The following ADCY8 variants were observed in gnomAD, a reference collection of about 807,000 sequenced individuals.
The protein encoded by ADCY8 is adenylate cyclase 8.
ADCY8 carries 51 observed loss-of-function variants against 119.7 expected under a neutral mutation model. That is an observed-to-expected ratio of 0.43 (90% CI 0.34 to 0.54). The LOEUF (loss-of-function observed/expected upper bound fraction) is 0.54. Among genes scored for constraint, ADCY8 ranks in the 20% least tolerant of loss-of-function variants. The pLI is 0.03. For missense variants in ADCY8, 1,383 were observed against 1,598.8 expected, an observed-to-expected ratio of 0.87 and a Z score of 2.30; for synonymous variants, 665 against 651.0, an observed-to-expected ratio of 1.02 and a Z score of -0.33.
chr8:131,028,893 T>C (rs1823905365), intron 1 of ADCY8, among the ~76,000 whole-genome samples: 3 of 152,156 alleles, frequency 2.0e-5, no homozygotes, highest in Admixed American at 1.3e-4. Context: ...GCTGTACCTG[T>C]ATGTACCCAG....
intron 1 of ADCY8, among the ~76,000 whole-genome samples, chr8:130,996,479 A>G (rs1281997786): frequency 2.6e-5 from 4 of 152,094 alleles, no homozygotes; most frequent in African/African-American, 7.2e-5. Flanking sequence ...GCAGAGAAAA[A>G]CCCAACTGCA....
At chr8:130,876,620 G>A (rs550435952) in intron 8 of ADCY8, among the ~76,000 whole-genome samples, 19 of 152,178 alleles carry the variant, frequency 1.2e-4, no homozygotes, top group Admixed American at 1.2e-3. Context: ...TCAAGATTGT[G>A]TCTGTTGCCA....
intron 12 of ADCY8, among the ~76,000 whole-genome samples, chr8:130,828,389 C>T (rs186478836): frequency 9.2e-5 from 14 of 151,926 alleles, no homozygotes; most frequent in African/African-American, 3.4e-4. Flanking sequence ...GCACATGGCA[C>T]TTCCAAGTCA....
intron 2 of ADCY8, among the ~76,000 whole-genome samples, chr8:130,981,188 T>C (rs985225380): frequency 2.6e-5 from 4 of 152,224 alleles, no homozygotes. Flanking sequence ...AATTCTAGGA[T>C]GGTTTTACAC....
intron 2 of ADCY8, among the ~76,000 whole-genome samples, chr8:130,983,270 AG>A (rs1333580042): frequency 9.2e-5 from 14 of 152,208 alleles, no homozygotes; most frequent in African/African-American, 2.7e-4. Context: ...GGCTTTTGGT[AG>A]ATAAATGCAG....
intron 9 of ADCY8, among the ~76,000 whole-genome samples, chr8:130,860,955 G>A (rs1563697833): frequency 6.6e-6 from 1 of 152,134 alleles, no homozygotes; most frequent in Admixed American, 6.5e-5. Context: ...AGTACCATTA[G>A]TTAAAAAGAA....
intron 8 of ADCY8, among the ~76,000 whole-genome samples, chr8:130,871,044 A>G (rs1361467868): frequency 6.6e-6 from 1 of 152,352 alleles, no homozygotes; most frequent in South Asian, 2.1e-4. Context: ...AGTTGACATC[A>G]TCAAATATAA....
intron 16 of ADCY8, 145 bp downstream of exon 16, chr8:130,785,238 T>A (rs1469218658): frequency 2.1e-6 from 1 of 486,714 alleles, no homozygotes; most frequent in Non-Finnish European, 3.5e-6. Context: ...CAAATCCACA[T>A]CACGTAACTA....
intron 13 of ADCY8, among the ~76,000 whole-genome samples, chr8:130,820,019 C>G (rs898491353): frequency 6.6e-6 from 1 of 152,128 alleles, no homozygotes; most frequent in Admixed American, 6.5e-5. Flanking sequence ...AGCTGAATAG[C>G]CTTACTTTCA....
intron 5 of ADCY8, among the ~76,000 whole-genome samples, chr8:130,932,815 C>A (rs950115693): frequency 6.6e-6 from 1 of 151,868 alleles, no homozygotes; most frequent in Non-Finnish European, 1.5e-5. Flanking sequence ...CCTGGCCTTT[C>A]GTGATATTGG....
At chr8:130,954,914 G>A (rs1373101890) in intron 2 of ADCY8, among the ~76,000 whole-genome samples, 1 of 152,210 alleles carries the variant, frequency 6.6e-6, no homozygotes, top group Non-Finnish European at 1.5e-5. Flanking sequence ...CAAAGCCTCC[G>A]AGGAGGAAAG....
intron 1 of ADCY8, among the ~76,000 whole-genome samples, chr8:131,033,646 C>T (rs1206437085): frequency 1.3e-5 from 2 of 152,050 alleles, no homozygotes; most frequent in African/African-American, 4.8e-5. Flanking sequence ...AGACAACAAG[C>T]CTATTTGCAA....
At chr8:130,869,514 T>G (rs1270989425) in intron 8 of ADCY8, among the ~76,000 whole-genome samples, 30 of 110,592 alleles carry the variant, frequency 2.7e-4, no homozygotes, top group South Asian at 2.6e-3. Flanking sequence ...GTTTATTTTT[T>G]TTTGTTTTTT....
chr8:131,023,573 G>A (rs975498698), intron 1 of ADCY8, among the ~76,000 whole-genome samples: 2 of 152,138 alleles, frequency 1.3e-5, no homozygotes, highest in Non-Finnish European at 2.9e-5. Flanking sequence ...TGAAAAAGGA[G>A]CTGCCACTAT....
At chr8:131,014,281 C>T (rs902309952) in intron 1 of ADCY8, among the ~76,000 whole-genome samples, 6 of 152,130 alleles carry the variant, frequency 3.9e-5, no homozygotes, top group Admixed American at 2.0e-4. Context: ...ATAAAATGTT[C>T]TTCCGAAATT....
At chr8:130,887,573 T>C (rs1222047466) in intron 7 of ADCY8, among the ~76,000 whole-genome samples, 5 of 152,096 alleles carry the variant, frequency 3.3e-5, no homozygotes, top group Non-Finnish European at 5.9e-5. Flanking sequence ...TTACAAATGC[T>C]GTTTGGCCAG....
intron 16 of ADCY8, among the ~76,000 whole-genome samples, chr8:130,784,487 A>G (rs1264747778): frequency 6.6e-6 from 1 of 152,184 alleles, no homozygotes; most frequent in Non-Finnish European, 1.5e-5. Flanking sequence ...TGTAGAACAG[A>G]GGTTAGCAAA....
At chr8:130,922,706 T>C (rs1820351940) in intron 5 of ADCY8, among the ~76,000 whole-genome samples, 2 of 152,190 alleles carry the variant, frequency 1.3e-5, no homozygotes, top group Admixed American at 1.3e-4. Context: ...CATGGCCCGT[T>C]CTCAATGAGC....
intron 5 of ADCY8, among the ~76,000 whole-genome samples, chr8:130,916,394 C>T (rs1459438693): frequency 1.3e-5 from 2 of 152,200 alleles, no homozygotes; most frequent in African/African-American, 2.4e-5. Flanking sequence ...CCCAACTTTT[C>T]CTTCAACCCT....
Sources: allele counts gnomAD v4.1 joint callset (sites outside exome capture counted in the v4.1 genomes callset), GRCh38; gene constraint gnomAD v4.1.1; transcripts MANE v1.5; gene names NCBI Gene and HGNC (gene_info 2026-07-23, HGNC 2026-07-21).